The following TBC1D5 variants were observed in gnomAD, a reference collection of about 807,000 sequenced individuals.
The protein encoded by TBC1D5 is TBC1 domain family member 5, also known as TBC1 domain family, member 5.
TBC1D5 carries 75 observed loss-of-function variants against 100.3 expected under a neutral mutation model. The ratio of observed to expected loss-of-function variants is 0.75; its 90% confidence interval spans 0.62 to 0.91. TBC1D5 has a LOEUF of 0.91. TBC1D5 is among the 40% of genes least tolerant of loss of function. The pLI, the probability that TBC1D5 is intolerant of heterozygous loss-of-function variation, is 0.00. For missense variants in TBC1D5, 910 were observed against 942.4 expected (o/e 0.97, Z 0.45); for synonymous variants, 323 against 325.6 (o/e 0.99, Z 0.09).
chr3:17,426,925 A>G lies in TBC1D5; in HGVS notation c.167+1525T>C, dbSNP rs548339995. ...ATGTTTAATCGTGTTTATACCTAAT[A>G]AATTACTATCATAGATTTCATATAT... On this transcript the variant is annotated intron_variant, in intron 4 of 21. Coordinates refer to ENST00000253692, the Ensembl canonical transcript of TBC1D5. 2.0e-5 allele frequency among the ~76,000 whole-genome samples: 3 copies of G among 152,128 alleles called. No individual in the cohort carries two copies. In the South Asian group the frequency reaches 6.2e-4, roughly 31 times the overall value.
chr3:17,613,199 T>G (rs529900149), intron 2 of TBC1D5, among the ~76,000 whole-genome samples: 1 of 152,308 alleles, frequency 6.6e-6, no homozygotes, highest in East Asian at 1.9e-4. Flanking sequence ...TCCACGTCCC[T>G]GCAAAGGACA....
intron 1 of TBC1D5, among the ~76,000 whole-genome samples, chr3:17,628,035 G>A (rs76336417): frequency 0.026 from 3,928 of 151,678 alleles, 156 homozygotes; most frequent in African/African-American, 0.089. Flanking sequence ...ATATTACAAT[G>A]AGAAAAAAAA....
intron 3 of TBC1D5, among the ~76,000 whole-genome samples, chr3:17,491,610 A>T (rs1056442367): frequency 6.6e-6 from 1 of 152,190 alleles, no homozygotes; most frequent in Non-Finnish European, 1.5e-5. Flanking sequence ...GATTACATTT[A>T]TTGACTTGCA....
chr3:17,709,657 A>C (rs2074519137), intron 1 of TBC1D5, among the ~76,000 whole-genome samples: 1 of 152,228 alleles, frequency 6.6e-6, no homozygotes, highest in Admixed American at 6.5e-5. Flanking sequence ...TAACCAGACT[A>C]GAAAGCCAAG....
intron 1 of TBC1D5, among the ~76,000 whole-genome samples, chr3:17,643,154 T>C (rs1194348568): frequency 6.6e-6 from 1 of 152,122 alleles, no homozygotes; most frequent in East Asian, 1.9e-4. Context: ...ATGACTGTAA[T>C]ATTTTTTAAG....
intron 19 of TBC1D5, among the ~76,000 whole-genome samples, chr3:17,183,294 C>T (rs2068654819): frequency 6.6e-6 from 1 of 152,148 alleles, no homozygotes; most frequent in African/African-American, 2.4e-5. Flanking sequence ...TTTCTGTCCC[C>T]AAAGTGAGGT....
At chr3:17,465,147 A>G (rs1041877024) in intron 3 of TBC1D5, 1 of 152,482 alleles carries the variant, frequency 6.6e-6, no homozygotes, top group Admixed American at 6.5e-5. Flanking sequence ...TGGGCCCACT[A>G]GAATGGCTCC....
At chr3:17,584,960 T>G (rs1184966285) in intron 2 of TBC1D5, among the ~76,000 whole-genome samples, 1 of 152,170 alleles carries the variant, frequency 6.6e-6, no homozygotes. Flanking sequence ...CCAGCCAACA[T>G]TTATTTTTTC....
chr3:17,695,196 C>G (rs113241303), intron 1 of TBC1D5, among the ~76,000 whole-genome samples: 1,909 of 152,150 alleles, frequency 0.013, 37 homozygotes, highest in African/African-American at 0.043. Flanking sequence ...AATTAAAGGG[C>G]AAAATAACCA....
intron 1 of TBC1D5, among the ~76,000 whole-genome samples, chr3:17,704,425 T>C (rs1297053358): frequency 6.6e-6 from 1 of 150,798 alleles, no homozygotes; most frequent in African/African-American, 2.4e-5. Flanking sequence ...CCGTTCTCAA[T>C]GAGCTGTTGG....
intron 15 of TBC1D5, among the ~76,000 whole-genome samples, chr3:17,261,545 C>T (rs1237793393): frequency 1.3e-5 from 2 of 152,122 alleles, no homozygotes; most frequent in Non-Finnish European, 2.9e-5. Flanking sequence ...GCTATCTTGG[C>T]TCATTGAACC....
intron 4 of TBC1D5, among the ~76,000 whole-genome samples, chr3:17,413,358 A>T (rs1445927980): frequency 6.6e-6 from 1 of 152,168 alleles, no homozygotes; most frequent in East Asian, 1.9e-4. Context: ...ATTATTTCTC[A>T]AAAAATAAAG....
intron 1 of TBC1D5, among the ~76,000 whole-genome samples, chr3:17,645,004 A>G (rs2064882540): frequency 6.6e-6 from 1 of 152,128 alleles, no homozygotes; most frequent in East Asian, 1.9e-4. Flanking sequence ...AAGAGTCTTA[A>G]CTATTAAACG....
intron 1 of TBC1D5, among the ~76,000 whole-genome samples, chr3:17,630,688 C>A (rs1390773608): frequency 6.6e-6 from 1 of 151,988 alleles, no homozygotes. Flanking sequence ...GAATCGTATG[C>A]CTCTCATTTG....
At chr3:17,731,882 TG>T (rs1360630835) in intron 1 of TBC1D5, among the ~76,000 whole-genome samples, 2 of 152,226 alleles carry the variant, frequency 1.3e-5, no homozygotes, top group Admixed American at 1.3e-4. Flanking sequence ...AAAGATTTTT[TG>T]TAAGAGAAGA....
chr3:17,189,621 C>G (rs998076495), intron 18 of TBC1D5, among the ~76,000 whole-genome samples: 1 of 152,168 alleles, frequency 6.6e-6, no homozygotes. Flanking sequence ...TCATTATCTC[C>G]GACATAAAAT....
Position 17,261,778 on chromosome 3 carries a change from C to G in TBC1D5, c.1246-3187G>C, listed in dbSNP as rs2149481366. 2.0e-5 allele frequency among the ~76,000 whole-genome samples: 3 copies of G among 152,090 alleles called. No homozygotes were observed. The Middle Eastern group carries it at 0.01, about 524-fold the overall frequency. On this transcript the variant is annotated intron_variant, in intron 15 of 21. Coordinates refer to ENST00000253692, the Ensembl canonical transcript of TBC1D5. ...AATCAAGTGAACCACCCACCTCAGC[C>G]TTCCAAAGTGCTGTTATTACATGTG...
chr3:17,681,903 C>T (rs1430999996), intron 1 of TBC1D5, among the ~76,000 whole-genome samples: 1 of 151,534 alleles, frequency 6.6e-6, no homozygotes, highest in Non-Finnish European at 1.5e-5. Flanking sequence ...AGATCATCAG[C>T]AGCATTAGAT....
intron 3 of TBC1D5, among the ~76,000 whole-genome samples, chr3:17,444,164 T>C (rs942414406): frequency 6.6e-6 from 1 of 152,168 alleles, no homozygotes; most frequent in Non-Finnish European, 1.5e-5. Flanking sequence ...TATACTTTAT[T>C]TTTCCAGATG....
Sources: allele counts gnomAD v4.1 joint callset (sites outside exome capture counted in the v4.1 genomes callset), GRCh38; gene constraint gnomAD v4.1.1; transcripts MANE v1.5; gene names NCBI Gene and HGNC (gene_info 2026-07-23, HGNC 2026-07-21).